Variants in PHF20L1 observed in about 807,000 individuals in gnomAD.
PHF20L1 encodes PHD finger protein 20 like 1, also known as PHD finger protein 20-like protein 1.
In PHF20L1, 44 loss-of-function variants were observed where a neutral mutation model predicts 125.5. The observed-to-expected ratio is 0.35, with a 90% CI of 0.28 to 0.45. The LOEUF (loss-of-function observed/expected upper bound fraction) is 0.45. Ranked by LOEUF, PHF20L1 falls within the 20% of genes least tolerant of loss-of-function variation. The pLI, the probability that PHF20L1 is intolerant of heterozygous loss-of-function variation, is 1.00. For synonymous variants in PHF20L1, 380 were observed against 403.1 expected (o/e 0.94, Z 0.69); for missense variants, 1,012 against 1,217.2 (o/e 0.83, Z 2.51).
chr8:132,840,571 C>T (rs1683812767), intron 18 of PHF20L1, among the ~76,000 whole-genome samples: 1 of 151,776 alleles, frequency 6.6e-6, no homozygotes, highest in African/African-American at 2.4e-5. Flanking sequence ...GACACATACT[C>T]TGTCTACCAT....
At position 132,793,900 on chromosome 8, in the gene PHF20L1, AG is replaced by A; in HGVS notation, c.84-509del. ...TTACATATTTATATTTATGCTAAAT[AG>A]AGTTCTTGTTTTTTACATTTTCCCC... On this transcript the variant is annotated intron_variant, in intron 2 of 20. Coordinates refer to ENST00000395386, the MANE Select transcript of PHF20L1 (RefSeq NM_016018.5). 2.6e-5 allele frequency among the ~76,000 whole-genome samples: 4 copies of A among 152,294 alleles called. No individual in the cohort carries two copies. In the Middle Eastern group the frequency reaches 0.01, roughly 389 times the overall value.
In PHF20L1 at chr8:132,838,147, A is replaced by AT. The variant is rs545349600; in HGVS notation, c.2191+341dup. 3.7e-3 allele frequency: 718 copies of AT among 196,572 alleles called. 6 individuals are homozygous for AT. The highest frequency in any genetic ancestry group is 0.012 in the Middle Eastern group (5 of 434). The allele number at this position is 196,572 out of a possible 1,614,324, so 12.2% of individuals were successfully genotyped here. A position where few individuals can be genotyped will look rare whatever the true frequency, so the allele number is the denominator to read the frequency against. On this transcript the variant is annotated intron_variant, in intron 17 of 20. Transcript: ENST00000395386. ...TTTTAAAATATTTTTTCACTGTTAC[A>AT]TTTTTATTTTCCACATTGATTACTT...
intron 1 of PHF20L1, 126 bp from the exon 2 acceptor site, chr8:132,777,666 G>A: frequency 1.8e-6 from 1 of 541,604 alleles, no homozygotes; most frequent in East Asian, 2.9e-5. Context: ...TAACAATTTG[G>A]CAAGTATTTC....
intron 1 of PHF20L1, among the ~76,000 whole-genome samples, chr8:132,776,198 C>T (rs1199870192): frequency 6.6e-6 from 1 of 152,200 alleles, no homozygotes; most frequent in Non-Finnish European, 1.5e-5. Flanking sequence ...ATCCTTCCCT[C>T]TTCGAACCTA....
At chr8:132,828,281 TA>T (rs753488770) in intron 14 of PHF20L1, among the ~76,000 whole-genome samples, 4 of 152,006 alleles carry the variant, frequency 2.6e-5, no homozygotes, top group Non-Finnish European at 5.9e-5. Context: ...ATCCTCATAT[TA>T]ACCCTTTACA....
rs1409140669 is a variant in PHF20L1 at position 132,847,757 on chromosome 8, C to T, written c.*1834C>T. On this transcript the variant is annotated 3_prime_UTR_variant, in exon 21 of 21. Transcript: ENST00000395386. ...TGTGTATTTACTTGTCATACTTTAA[C>T]TTTGTGAAAGATCTTACTGATAAAT... 6.6e-6 allele frequency: 1 copy of T among 152,512 alleles called. No individual in the cohort carries two copies. The highest frequency in any genetic ancestry group is 2.4e-5 in the African/African-American group (1 of 41,426). The allele number at this position is 152,512 out of a possible 1,614,324, so 9.4% of individuals were successfully genotyped here.
chr8:132,786,947 CTG>C (rs1831110430), intron 2 of PHF20L1, among the ~76,000 whole-genome samples: 1 of 152,014 alleles, frequency 6.6e-6, no homozygotes, highest in Non-Finnish European at 1.5e-5. Context: ...AATTAACTAT[CTG>C]TAGTAAAGTT....
At chr8:132,811,000 A>C (rs940321109) in intron 8 of PHF20L1, 46 bp from the exon 9 acceptor site, 3 of 1,185,064 alleles carry the variant, frequency 2.5e-6, no homozygotes, top group Non-Finnish European at 2.5e-6. Context: ...TAGGGTGTAA[A>C]TCAGTATTTT....
intron 5 of PHF20L1, 101 bp from the exon 6 acceptor site, chr8:132,798,994 G>A (rs1832727653): frequency 8.6e-7 from 1 of 1,160,708 alleles, no homozygotes; most frequent in Non-Finnish European, 1.2e-6. Flanking sequence ...CCAAATAGCA[G>A]CAAGAAAAGG....
Position 132,816,884 on chromosome 8 carries a change from C to T in PHF20L1, c.1184-4C>T, listed in dbSNP as rs1835048251. 8.1e-6 allele frequency: 13 copies of T among 1,604,944 alleles called. No homozygotes were observed. The highest frequency in any genetic ancestry group is 1.1e-5 in the South Asian group (1 of 90,694). ...CTTCGTGAACATTGAAGATCTTTTT[C>T]TAGGTCCTCCACAGCCTGTGAATCC... On this transcript the variant is annotated splice_region_variant and splice_polypyrimidine_tract_variant and intron_variant, in intron 10 of 20. Coordinates refer to ENST00000395386, the MANE Select transcript of PHF20L1 (RefSeq NM_016018.5).
chr8:132,844,344 A>C (rs752383202), intron 20 of PHF20L1, 26 bp downstream of exon 20: 1 of 1,538,050 alleles, frequency 6.5e-7, no homozygotes, highest in Non-Finnish European at 8.9e-7. Flanking sequence ...ACTAAAATAC[A>C]GTTACTATAG....
chr8:132,805,830 A>G (rs1231122817), intron 8 of PHF20L1, among the ~76,000 whole-genome samples: 3 of 151,890 alleles, frequency 2.0e-5, no homozygotes, highest in African/African-American at 4.8e-5. Flanking sequence ...TTCCATTTGT[A>G]TATATTATTT....
chr8:132,828,802 C>T (rs1836470229), intron 14 of PHF20L1, among the ~76,000 whole-genome samples: 1 of 151,924 alleles, frequency 6.6e-6, no homozygotes, highest in Non-Finnish European at 1.5e-5. Flanking sequence ...AAGGATACTG[C>T]AGGCATACAG....
intron 1 of PHF20L1, among the ~76,000 whole-genome samples, chr8:132,777,050 T>A (rs1380708773): frequency 6.6e-6 from 1 of 152,260 alleles, no homozygotes; most frequent in Non-Finnish European, 1.5e-5. Context: ...CAACCACTTT[T>A]ATTATCAATG....
chr8:132,797,540 C>T (rs577856828), intron 4 of PHF20L1, among the ~76,000 whole-genome samples: 4 of 152,030 alleles, frequency 2.6e-5, no homozygotes, highest in Non-Finnish European at 5.9e-5. Context: ...TTCTGGAATG[C>T]TGTATTGAAG....
chr8:132,788,536 A>G (rs1382210347), intron 2 of PHF20L1, among the ~76,000 whole-genome samples: 2 of 151,562 alleles, frequency 1.3e-5, no homozygotes, highest in African/African-American at 2.4e-5. Flanking sequence ...TATCAACTCT[A>G]TCTTAAGTGC....
At chr8:132,831,495 CTAGT>C (rs1170391828) in intron 14 of PHF20L1, among the ~76,000 whole-genome samples, 3 of 152,116 alleles carry the variant, frequency 2.0e-5, no homozygotes, top group Non-Finnish European at 4.4e-5. Flanking sequence ...TCTTCCAGGA[CTAGT>C]TAATTACCTT....
rs1037634759 is a variant in PHF20L1 at position 132,848,030 on chromosome 8, A to G, written c.*2107A>G. 7 of 152,158 alleles carry G rather than the reference A, an allele frequency of 4.6e-5. No individual in the cohort carries two copies. Among genetic ancestry groups the G allele is most frequent in the Non-Finnish European group, 8.8e-5 (6 of 67,938 alleles). 9.4% of individuals were successfully genotyped at this position (152,158 alleles called of 1,614,324 possible). A position where few individuals can be genotyped will look rare whatever the true frequency, so the allele number is the denominator to read the frequency against. ...ACGGAGCAAATAGCATCCTTAACCTATGAATAATGGTGTTGCCTAGATTCT... is the reference window on the plus strand; with the variant it reads ...ACGGAGCAAATAGCATCCTTAACCTGTGAATAATGGTGTTGCCTAGATTCT... On this transcript the variant is annotated 3_prime_UTR_variant, in exon 21 of 21. Transcript: ENST00000395386.
intron 2 of PHF20L1, 126 bp from the exon 3 acceptor site, chr8:132,794,284 A>G (rs1200263290): frequency 1.7e-6 from 1 of 585,988 alleles, no homozygotes; most frequent in African/African-American, 1.9e-5. Flanking sequence ...GTTTTAAAAT[A>G]TGGACGTATT....
Sources: gnomAD v4.1 joint callset for allele counts (sites outside exome capture counted in the v4.1 genomes callset) on GRCh38, gnomAD v4.1.1 for gene constraint, MANE v1.5 for transcripts, NCBI Gene and HGNC (gene_info 2026-07-23, HGNC 2026-07-21) for gene names.